TMEM131: variants seen among roughly 807,000 people sequenced by gnomAD.
TMEM131 encodes the protein 2610524E03Rik.
Under a neutral mutation model 211.6 loss-of-function variants are expected in TMEM131, and 66 were observed. The ratio of observed to expected loss-of-function variants is 0.31; its 90% CI spans 0.26 to 0.38. The LOEUF (loss-of-function observed/expected upper bound fraction) is 0.38. Among genes scored for constraint, TMEM131 ranks in the 10% least tolerant of loss-of-function variants. TMEM131 has a pLI of 1.00. For synonymous variants in TMEM131, 844 were observed against 841.3 expected, an observed-to-expected ratio of 1.00 and a Z score of -0.06; for missense variants, 2,036 against 2,299.3, an observed-to-expected ratio of 0.89 and a Z score of 2.34.
chr2:97,803,836 T>A (rs2104932414), intron 22 of TMEM131, among the ~76,000 whole-genome samples: 1 of 152,322 alleles, frequency 6.6e-6, no homozygotes, highest in Non-Finnish European at 1.5e-5. Context: ...AGTTATTTGT[T>A]CATAACTGGA....
intron 3 of TMEM131, among the ~76,000 whole-genome samples, chr2:97,895,294 G>A (rs1467095218): frequency 2.6e-5 from 4 of 152,082 alleles, no homozygotes; most frequent in Non-Finnish European, 5.9e-5. Context: ...GAGGCTTCTC[G>A]CATCGATGTT....
chr2:97,912,837 CA>C (rs1676342008), intron 2 of TMEM131, among the ~76,000 whole-genome samples: 1 of 152,160 alleles, frequency 6.6e-6, no homozygotes, highest in African/African-American at 2.4e-5. Flanking sequence ...AATGCACTCC[CA>C]ACTCCAAAAG....
At chr2:97,842,179 C>T (rs962655510) in intron 6 of TMEM131, among the ~76,000 whole-genome samples, 2 of 151,972 alleles carry the variant, frequency 1.3e-5, no homozygotes, top group African/African-American at 4.8e-5. Flanking sequence ...AATAACAGTC[C>T]TTCAAGAAGC....
chr2:97,884,547 TG>T (rs1675064096), intron 4 of TMEM131, among the ~76,000 whole-genome samples: 2 of 152,352 alleles, frequency 1.3e-5, no homozygotes, highest in South Asian at 4.1e-4. Flanking sequence ...ATTATTGTAC[TG>T]GGGTCTATCT....
At chr2:97,793,804 C>A (rs1362222207) in intron 29 of TMEM131, among the ~76,000 whole-genome samples, 1 of 151,648 alleles carries the variant, frequency 6.6e-6, no homozygotes, top group South Asian at 2.1e-4. Context: ...ACCATCCTGG[C>A]TAACATGGTG....
intron 31 of TMEM131, among the ~76,000 whole-genome samples, chr2:97,779,589 G>A (rs984523246): frequency 6.6e-6 from 1 of 152,216 alleles, no homozygotes; most frequent in South Asian, 2.1e-4. Flanking sequence ...CCCAGAGTCC[G>A]CATCACCTGG....
rs774578830 is a variant in TMEM131, at chr2:97,762,087, G to C, written c.4837C>G (p.Pro1613Ala). ...ASPSPPAAPC[P>A]FVARGSYSSI... is the part of the protein sequence containing the mutation. Reference sequence around the variant, plus strand: ...CTGTAGCTGCCCCGGGCCACAAAGGGGCAGGGGGCAGCTGGGGGAGACGGG... The same window carrying C: ...CTGTAGCTGCCCCGGGCCACAAAGGCGCAGGGGGCAGCTGGGGGAGACGGG... The change falls in exon 36 of 41, where the codon CCC (proline) becomes GCC (alanine). Residue 1613 changes from proline to alanine, a missense_variant. By Grantham distance (27) the Pro-to-Ala change is conservative (BLOSUM62 -1). Coordinates refer to ENST00000186436, the MANE Select transcript of TMEM131 (RefSeq NM_015348.2). 92 of 1,610,330 alleles carry C rather than the reference G, an allele frequency of 5.7e-5. No individual in the cohort carries two copies. Among genetic ancestry groups the C allele is most frequent in the Non-Finnish European group, 7.6e-5 (90 of 1,178,342 alleles).
chr2:97,757,509 C>G, intron 40 of TMEM131, 126 bp from the exon 41 acceptor site: 2 of 1,070,876 alleles, frequency 1.9e-6, no homozygotes, highest in Non-Finnish European at 2.6e-6. Flanking sequence ...TACTTTAGAA[C>G]AAATGTTATA....
At chr2:97,760,175 A>G (rs977340052) in intron 38 of TMEM131, 4 of 268,284 alleles carry the variant, frequency 1.5e-5, no homozygotes, top group South Asian at 5.2e-5. Context: ...CCTGCATGAT[A>G]AACAAGCCTG....
chr2:97,772,634 G>T (rs556834185), intron 32 of TMEM131, among the ~76,000 whole-genome samples: 22 of 152,360 alleles, frequency 1.4e-4, no homozygotes, highest in African/African-American at 4.8e-4. Flanking sequence ...GGTGGCGCAT[G>T]CCTGTAATCC....
intron 2 of TMEM131, among the ~76,000 whole-genome samples, chr2:97,926,522 C>T (rs930997700): frequency 6.6e-6 from 1 of 152,152 alleles, no homozygotes; most frequent in Non-Finnish European, 1.5e-5. Flanking sequence ...TATATAGCAT[C>T]TCAATATTAG....
intron 1 of TMEM131, among the ~76,000 whole-genome samples, chr2:97,953,397 C>A (rs1215656792): frequency 2.6e-5 from 4 of 152,062 alleles, no homozygotes; most frequent in Admixed American, 1.3e-4. Context: ...GCTATGTTAA[C>A]ACAGATAAGG....
chr2:97,810,742 T>C (rs533906520), intron 18 of TMEM131, among the ~76,000 whole-genome samples: 1 of 152,324 alleles, frequency 6.6e-6, no homozygotes, highest in East Asian at 1.9e-4. Context: ...TCTCCTGATT[T>C]TATCTTCCTT....
chr2:97,935,648 A>T (rs1390780266), intron 1 of TMEM131, among the ~76,000 whole-genome samples: 1 of 152,122 alleles, frequency 6.6e-6, no homozygotes, highest in African/African-American at 2.4e-5. Flanking sequence ...GAAACAAAAT[A>T]GCACAGAAGA....
At chr2:97,772,273 T>C in intron 33 of TMEM131, 24 bp downstream of exon 33, 1 of 1,589,540 alleles carries the variant, frequency 6.3e-7, no homozygotes, top group African/African-American at 1.4e-5. Context: ...AGACCTTATT[T>C]CTCTGTACAC....
chr2:97,761,229 A>G (rs924333173), intron 36 of TMEM131: 8 of 229,426 alleles, frequency 3.5e-5, no homozygotes, highest in African/African-American at 4.5e-5. Context: ...TCGGCAGGAA[A>G]TGCAGAGGGC....
At chr2:97,953,899 T>C (rs989343348) in intron 1 of TMEM131, among the ~76,000 whole-genome samples, 2 of 152,066 alleles carry the variant, frequency 1.3e-5, no homozygotes, top group Admixed American at 1.3e-4. Flanking sequence ...AACACAAAAA[T>C]CTTCAAACAC....
At chr2:97,780,494 A>G (rs759144005) in intron 31 of TMEM131, among the ~76,000 whole-genome samples, 1 of 152,054 alleles carries the variant, frequency 6.6e-6, no homozygotes, top group Non-Finnish European at 1.5e-5. Context: ...CTTCCCTTTG[A>G]AACATTTTTA....
At chr2:97,775,237 C>CA (rs1679664418) in intron 32 of TMEM131, among the ~76,000 whole-genome samples, 2 of 152,210 alleles carry the variant, frequency 1.3e-5, no homozygotes, top group African/African-American at 4.8e-5. Context: ...GCTGTGATAA[C>CA]AGCCCTGGGA....
Sources: gnomAD v4.1 joint callset for allele counts (sites outside exome capture counted in the v4.1 genomes callset) on GRCh38, gnomAD v4.1.1 for gene constraint, MANE v1.5 for transcripts, NCBI Gene and HGNC (gene_info 2026-07-23, HGNC 2026-07-21) for gene names.